CDH12: variants seen among roughly 807,000 people sequenced by gnomAD.
CDH12 encodes the protein cadherin 12.
In CDH12, 41 loss-of-function variants were observed where a neutral mutation model predicts 74.1. That is an observed-to-expected ratio of 0.55 (90% CI 0.43 to 0.72). The LOEUF (loss-of-function observed/expected upper bound fraction) is 0.72, where lower values mean the gene tolerates loss of function less well. Ranked by LOEUF, CDH12 falls within the 30% of genes least tolerant of loss-of-function variation. CDH12 has a pLI of 0.00. For synonymous variants in CDH12, 399 were observed against 355.0 expected, an observed-to-expected ratio of 1.12 and a Z score of -1.39; for missense variants, 945 against 977.2, an observed-to-expected ratio of 0.97 and a Z score of 0.44.
intron 9 of CDH12, 146 bp downstream of exon 9, chr5:21,816,799 T>C (rs1748077381): frequency 2.0e-6 from 1 of 509,244 alleles, no homozygotes; most frequent in African/African-American, 2.0e-5. Flanking sequence ...GCACGGAGTA[T>C]CAGTACCCCA....
intron 5 of CDH12, among the ~76,000 whole-genome samples, chr5:22,065,474 G>A (rs1028416153): frequency 4.6e-5 from 7 of 152,164 alleles, no homozygotes; most frequent in Admixed American, 4.6e-4. Flanking sequence ...CTGAAACATG[G>A]AGCCAAAGTT....
chr5:22,090,169 A>G (rs1743325388), intron 4 of CDH12, among the ~76,000 whole-genome samples: 1 of 152,012 alleles, frequency 6.6e-6, no homozygotes, highest in Admixed American at 6.6e-5. Context: ...ATTACAAAAA[A>G]TGAAATTACT....
At chr5:22,244,554 A>G (rs1337150875) in intron 3 of CDH12, among the ~76,000 whole-genome samples, 2 of 126,362 alleles carry the variant, frequency 1.6e-5, no homozygotes, top group Admixed American at 8.4e-5. Context: ...AAGAAGAAGA[A>G]GAAAGAGAGA....
At chr5:22,664,445 G>T (rs893508871) in intron 1 of CDH12, among the ~76,000 whole-genome samples, 4 of 152,038 alleles carry the variant, frequency 2.6e-5, no homozygotes, top group Admixed American at 2.6e-4. Context: ...ATCAGATCTT[G>T]CGAGAATTCA....
At chr5:22,231,748 G>T (rs1207014247) in intron 3 of CDH12, among the ~76,000 whole-genome samples, 1 of 151,796 alleles carries the variant, frequency 6.6e-6, no homozygotes, top group Non-Finnish European at 1.5e-5. Flanking sequence ...GAATTCCAAA[G>T]CTTTACCATA....
chr5:22,349,371 A>G (rs967295639), intron 3 of CDH12, among the ~76,000 whole-genome samples: 1 of 152,104 alleles, frequency 6.6e-6, no homozygotes, highest in African/African-American at 2.4e-5. Context: ...TTATACCTAA[A>G]TTTTTATCAA....
intron 7 of CDH12, among the ~76,000 whole-genome samples, chr5:21,850,355 G>A (rs1750397510): frequency 6.6e-6 from 1 of 151,318 alleles, no homozygotes; most frequent in African/African-American, 2.4e-5. Context: ...TAAGTAAGAT[G>A]ATGGGTATGT....
chr5:22,772,519 A>G (rs1746860413), intron 1 of CDH12, among the ~76,000 whole-genome samples: 1 of 152,116 alleles, frequency 6.6e-6, no homozygotes, highest in East Asian at 1.9e-4. Flanking sequence ...CGAGGAATAA[A>G]AGAATTAACC....
At chr5:22,534,282 G>C (rs928886006) in intron 1 of CDH12, among the ~76,000 whole-genome samples, 1 of 151,946 alleles carries the variant, frequency 6.6e-6, no homozygotes, top group African/African-American at 2.4e-5. Flanking sequence ...TGATTTGTGA[G>C]ATTTTGGTGC....
At chr5:22,334,539 A>G (rs1739491974) in intron 3 of CDH12, among the ~76,000 whole-genome samples, 2 of 152,188 alleles carry the variant, frequency 1.3e-5, no homozygotes, top group South Asian at 4.1e-4. Context: ...AAAGACCCAG[A>G]GTAACCAAAG....
At chr5:22,460,972 C>T (rs1206568491) in intron 2 of CDH12, among the ~76,000 whole-genome samples, 4 of 147,868 alleles carry the variant, frequency 2.7e-5, no homozygotes, top group Non-Finnish European at 6.0e-5. Flanking sequence ...CCACCTGCCT[C>T]GGCCTCCCAA....
At chr5:22,352,592 G>A (rs1469012082) in intron 3 of CDH12, among the ~76,000 whole-genome samples, 1 of 152,192 alleles carries the variant, frequency 6.6e-6, no homozygotes, top group Non-Finnish European at 1.5e-5. Flanking sequence ...AATTTTACCC[G>A]CAGACTTCTT....
At chr5:22,490,853 C>G (rs1261263) in intron 2 of CDH12, among the ~76,000 whole-genome samples, 2 of 152,216 alleles carry the variant, frequency 1.3e-5, no homozygotes, top group African/African-American at 4.8e-5. Context: ...GCAGTCAACA[C>G]TTTGTCAAGA....
chr5:22,825,883 C>G lies in CDH12; in HGVS notation c.-523+27175G>C, dbSNP rs142451991. Among the ~76,000 whole-genome samples the G allele has an allele frequency of 3.9e-5, 6 of 152,262 alleles. No individual in the cohort carries two copies. The East Asian group carries it at 1.2e-3, about 29-fold the overall frequency. On this transcript the variant is annotated intron_variant, in intron 1 of 14. Transcript: ENST00000382254. ...ATACCTAGAAATAGAATGGTGGTAA[C>G]TTGAGTCAGTGTAGATGCTGATAAT...
intron 3 of CDH12, among the ~76,000 whole-genome samples, chr5:22,350,279 T>C (rs1740304981): frequency 6.6e-6 from 1 of 152,212 alleles, no homozygotes; most frequent in African/African-American, 2.4e-5. Context: ...TAATGATATA[T>C]GTTATTCTTA....
In CDH12 at chr5:22,235,320, G is replaced by A. The variant is rs545776988; in HGVS notation, c.-332-22677C>T. On this transcript the variant is annotated intron_variant, in intron 3 of 14. Coordinates refer to ENST00000382254, the MANE Select transcript of CDH12 (RefSeq NM_004061.5). Reference sequence around the variant, plus strand: ...TATACGGCCAGACACCGTGGCTCACGTCTCTATTACAGCACTTTGGGAGGC... The same window carrying A: ...TATACGGCCAGACACCGTGGCTCACATCTCTATTACAGCACTTTGGGAGGC... Among the ~76,000 whole-genome samples the A allele has an allele frequency of 1.6e-3, 239 of 152,180 alleles. 4 individuals carry two copies. Among genetic ancestry groups the A allele is most frequent in the African/African-American group, 5.6e-3 (234 of 41,520 alleles).
At chr5:22,225,848 A>C (rs1023819140) in intron 3 of CDH12, among the ~76,000 whole-genome samples, 1 of 152,088 alleles carries the variant, frequency 6.6e-6, no homozygotes, top group Admixed American at 6.6e-5. Flanking sequence ...AAAATTCCCA[A>C]AGGGAAAGTG....
At chr5:22,452,880 C>CAAAAAAAAAAA (rs768945480) in intron 2 of CDH12, among the ~76,000 whole-genome samples, 38 of 32,196 alleles carry the variant, frequency 1.2e-3, no homozygotes, top group African/African-American at 3.9e-3. Flanking sequence ...AACCTAAGAG[C>CAAAAAAAAAAA]AAAAAAAAAA....
intron 1 of CDH12, among the ~76,000 whole-genome samples, chr5:22,592,258 C>A (rs1032745061): frequency 6.6e-6 from 1 of 152,192 alleles, no homozygotes; most frequent in Non-Finnish European, 1.5e-5. Context: ...AATTCTCAAG[C>A]TCCTCTTTCC....
Sources: gnomAD v4.1 joint callset for allele counts (sites outside exome capture counted in the v4.1 genomes callset) on GRCh38, gnomAD v4.1.1 for gene constraint, MANE v1.5 for transcripts, NCBI Gene and HGNC (gene_info 2026-07-23, HGNC 2026-07-21) for gene names.